The following P2RX7 variants were observed in gnomAD, a reference collection of about 807,000 sequenced individuals.
P2RX7 encodes the protein P2X purinoceptor 7.
Under a neutral mutation model 71.6 loss-of-function variants are expected in P2RX7, and 62 were observed. That is an observed-to-expected ratio of 0.87 (90% CI 0.71 to 1.07). The LOEUF (loss-of-function observed/expected upper bound fraction) is 1.07, where lower values mean the gene tolerates loss of function less well. Among genes scored for constraint, P2RX7 ranks in the 50% least tolerant of loss-of-function variants. The pLI is 0.00. For synonymous variants in P2RX7, 299 were observed against 283.3 expected, an observed-to-expected ratio of 1.06 and a Z score of -0.56; for missense variants, 686 against 748.5, an observed-to-expected ratio of 0.92 and a Z score of 0.97.
chr12:121,175,326 A>AC lies in P2RX7; in HGVS notation c.882-62_882-61insC, dbSNP rs1198696812. The AC allele has an allele frequency of 1.7e-5, 17 of 1,025,170 alleles. No homozygotes were observed. The African/African-American group carries it at 2.7e-4, about 16-fold the overall frequency. The allele number at this position is 1,025,170 out of a possible 1,614,324, so 63.5% of individuals were successfully genotyped here. A position where few individuals can be genotyped will look rare whatever the true frequency, so the allele number is the denominator to read the frequency against. On this transcript the variant is annotated intron_variant, in intron 8 of 12. Transcript: ENST00000328963. ...ACCCTGTCTCAAAAAAAAAAAAAAA[A>AC]AAACCCAAAACCCAGCACTTTCAAA... is the stretch of plus-strand genomic sequence containing the variant.
At chr12:121,140,055 G>T (rs370324836) in intron 1 of P2RX7, among the ~76,000 whole-genome samples, 1 of 152,202 alleles carries the variant, frequency 6.6e-6, no homozygotes, top group South Asian at 2.1e-4. Context: ...CTTCAGAAAA[G>T]TAGAAGCAGG....
rs115329470 is a variant in P2RX7 at position 121,142,772 on chromosome 12, C to A, written c.125+9677C>A. Among the ~76,000 whole-genome samples the A allele has an allele frequency of 4.2e-3, 635 of 152,252 alleles. 6 individuals are homozygous for A. Among genetic ancestry groups the A allele is most frequent in the African/African-American group, 0.015 (618 of 41,542 alleles). ...GCACTCAGGGCCCACCTGGATGACACAGGGTCATCTCGCCATCTCAAAATC... is the reference window on the plus strand; with the variant it reads ...GCACTCAGGGCCCACCTGGATGACAAAGGGTCATCTCGCCATCTCAAAATC... On this transcript the variant is annotated intron_variant, in intron 1 of 12. Transcript: ENST00000328963.
chr12:121,143,061 G>A (rs114291564), intron 1 of P2RX7, among the ~76,000 whole-genome samples: 3,350 of 147,860 alleles, frequency 0.023, 144 homozygotes, highest in African/African-American at 0.081. Context: ...CAGCCTGGGG[G>A]ACAGAGTGAG....
chr12:121,162,662 T>A, intron 5 of P2RX7, 142 bp downstream of exon 5: 1 of 862,574 alleles, frequency 1.2e-6, no homozygotes, highest in Non-Finnish European at 1.8e-6. Flanking sequence ...GCGCTCTGGA[T>A]GCACTGCTTG....
rs200957328 is a variant in P2RX7 at position 121,165,422 on chromosome 12, G to A, written c.599G>A (p.Gly200Asp). The change falls in exon 6 of 13, where the codon GGC becomes GAC. Residue 200 changes from glycine to aspartate, a missense_variant. Coordinates refer to ENST00000328963, the MANE Select transcript of P2RX7 (RefSeq NM_002562.6). ...ATCAAGAACAATATCGACTTCCCCG[G>A]CCACAACTACACCACGTAAGTGCCC... The part of the protein sequence containing the change: ...VLIKNNIDFP[G>D]HNYTTRNILP... 14 of 1,613,796 alleles carry A rather than the reference G, an allele frequency of 8.7e-6. No homozygotes were observed. Among genetic ancestry groups the A allele is most frequent in the Non-Finnish European group, 1.2e-5 (14 of 1,179,840 alleles).
chr12:121,140,121 A>AGGGGAAG (rs2135986021), intron 1 of P2RX7, among the ~76,000 whole-genome samples: 1 of 152,294 alleles, frequency 6.6e-6, no homozygotes, highest in East Asian at 1.9e-4. Context: ...CTAGAGCTTG[A>AGGGGAAG]GGGGAAGGTC....
intron 8 of P2RX7, among the ~76,000 whole-genome samples, chr12:121,174,871 G>A (rs911798250): frequency 6.6e-6 from 1 of 152,044 alleles, no homozygotes; most frequent in Non-Finnish European, 1.5e-5. Context: ...GACATGGGGA[G>A]GGGGGACTGC....
intron 1 of P2RX7, among the ~76,000 whole-genome samples, chr12:121,139,022 G>A (rs1490633616): frequency 1.3e-5 from 2 of 152,028 alleles, no homozygotes; most frequent in African/African-American, 2.4e-5. Flanking sequence ...GCTCACTGCA[G>A]CCTCGACCTC....
intron 8 of P2RX7, among the ~76,000 whole-genome samples, chr12:121,169,700 G>A (rs754970485): frequency 1.3e-5 from 2 of 152,150 alleles, no homozygotes; most frequent in Non-Finnish European, 2.9e-5. Flanking sequence ...GAACCCGGGG[G>A]TTTGAGGCTA....
intron 1 of P2RX7, among the ~76,000 whole-genome samples, chr12:121,139,480 A>G (rs1460348311): frequency 2.0e-5 from 3 of 152,192 alleles, no homozygotes; most frequent in Non-Finnish European, 4.4e-5. Context: ...TGGCGCCAAC[A>G]TGAGCCTATG....
At chr12:121,140,822 C>T (rs776081217) in intron 1 of P2RX7, among the ~76,000 whole-genome samples, 6 of 152,120 alleles carry the variant, frequency 3.9e-5, no homozygotes, top group Non-Finnish European at 5.9e-5. Flanking sequence ...CGTGGTGGCT[C>T]AACGCCTGTA....
intron 1 of P2RX7, among the ~76,000 whole-genome samples, chr12:121,143,368 T>A (rs532335494): frequency 6.6e-6 from 1 of 152,174 alleles, no homozygotes; most frequent in South Asian, 2.1e-4. Flanking sequence ...CACTCCAGCC[T>A]GGACGACAGA....
chr12:121,183,908 C>T (rs1447034642), intron 12 of P2RX7, among the ~76,000 whole-genome samples: 5 of 151,900 alleles, frequency 3.3e-5, no homozygotes, highest in African/African-American at 9.7e-5. Flanking sequence ...ACTAGAAATA[C>T]GAAAGAATTA....
chr12:121,144,991 T>C (rs529485151), intron 1 of P2RX7, among the ~76,000 whole-genome samples: 1 of 152,234 alleles, frequency 6.6e-6, no homozygotes, highest in South Asian at 2.1e-4. Flanking sequence ...CTATGGAATG[T>C]ACAAATGGAG....
intron 1 of P2RX7, among the ~76,000 whole-genome samples, chr12:121,144,840 A>G (rs1246790291): frequency 6.6e-6 from 1 of 152,152 alleles, no homozygotes; most frequent in Non-Finnish European, 1.5e-5. Flanking sequence ...GAAGGAGAGG[A>G]TGAGTCAAAG....
intron 1 of P2RX7, among the ~76,000 whole-genome samples, chr12:121,142,871 T>G (rs1875264283): frequency 6.6e-6 from 1 of 152,018 alleles, no homozygotes; most frequent in African/African-American, 2.4e-5. Context: ...GGTGGATCAC[T>G]TGAGGTCAGG....
intron 5 of P2RX7, among the ~76,000 whole-genome samples, chr12:121,162,983 G>GAAGGA (rs1555226267): frequency 6.6e-6 from 1 of 151,764 alleles, no homozygotes; most frequent in African/African-American, 2.4e-5. Flanking sequence ...AAGAGGGGGG[G>GAAGGA]AAGGAAGTTT....
intron 5 of P2RX7, 116 bp downstream of exon 5, chr12:121,162,636 C>G: frequency 8.0e-7 from 1 of 1,248,912 alleles, no homozygotes; most frequent in Non-Finnish European, 1.1e-6. Flanking sequence ...TGGGTCCTAC[C>G]GGCTTGGGGA....
At chr12:121,139,177 G>A (rs1407237784) in intron 1 of P2RX7, among the ~76,000 whole-genome samples, 1 of 152,174 alleles carries the variant, frequency 6.6e-6, no homozygotes, top group Non-Finnish European at 1.5e-5. Context: ...CCTGACCTCA[G>A]GTGATCTGCC....
Sources: allele counts gnomAD v4.1 joint callset (sites outside exome capture counted in the v4.1 genomes callset), GRCh38; gene constraint gnomAD v4.1.1; transcripts MANE v1.5; gene names NCBI Gene and HGNC (gene_info 2026-07-23, HGNC 2026-07-21).